USP49: variants seen among roughly 807,000 people sequenced by gnomAD.
USP49 encodes the protein ubiquitin carboxyl-terminal hydrolase 49.
A neutral mutation model predicts 58.6 loss-of-function variants in USP49; 24 were observed. The ratio of observed to expected loss-of-function variants is 0.41; its 90% CI spans 0.30 to 0.58. USP49 has a LOEUF of 0.58. Among genes scored for constraint, USP49 ranks in the 20% least tolerant of loss-of-function variants. The pLI, the probability that USP49 is intolerant of heterozygous loss-of-function variation, is 0.30. For missense variants in USP49, 703 were observed against 866.1 expected (o/e 0.81, Z 2.36); for synonymous variants, 408 against 365.1 (o/e 1.12, Z -1.34).
At chr6:41,870,042 T>C (rs1274495035) in intron 3 of USP49, among the ~76,000 whole-genome samples, 2 of 152,336 alleles carry the variant, frequency 1.3e-5, no homozygotes, top group South Asian at 4.1e-4. Context: ...TTTGCCACCA[T>C]GGTTAACCGT....
At chr6:41,813,183 C>T (rs1469307498) in intron 3 of USP49, among the ~76,000 whole-genome samples, 1 of 152,196 alleles carries the variant, frequency 6.6e-6, no homozygotes, top group African/African-American at 2.4e-5. Context: ...CTATCTTTAG[C>T]TTGCTCTGCT....
At chr6:41,860,578 GC>G (rs1391570908) in intron 3 of USP49, among the ~76,000 whole-genome samples, 4 of 152,048 alleles carry the variant, frequency 2.6e-5, no homozygotes, top group Admixed American at 2.6e-4. Context: ...CATGATCTCG[GC>G]TCACTGCAAC....
chr6:41,882,056 T>C (rs757312289), intron 2 of USP49, among the ~76,000 whole-genome samples: 2 of 151,664 alleles, frequency 1.3e-5, no homozygotes, highest in African/African-American at 2.4e-5. Context: ...CAGATAGTTA[T>C]ATCAATTTTG....
Position 41,832,035 on chromosome 6 carries a change from C to T in USP49, c.-28-25024G>A, listed in dbSNP as rs537922972. Among the ~76,000 whole-genome samples, 3 of 152,298 alleles carry T rather than the reference C, an allele frequency of 2.0e-5. No homozygotes were observed. The East Asian group carries it at 5.8e-4, about 29-fold the overall frequency. ...CCCAGTGAATCTCTCCCTCAAAGAA[C>T]ACCTCATTGTTCACAGTCCTCAATT... On this transcript the variant is annotated intron_variant, in intron 3 of 7. Coordinates refer to ENST00000682992, the MANE Select transcript of USP49 (RefSeq NM_001286554.2).
At position 41,798,575 on chromosome 6, in the gene USP49, C is replaced by T. The variant is rs981222287; in HGVS notation, c.1876+149G>A. On this transcript the variant is annotated intron_variant, in intron 7 of 7. Coordinates refer to ENST00000682992, the MANE Select transcript of USP49 (RefSeq NM_001286554.2). ...ACAGGTGTGAGCCACGGCGCCCAAC[C>T]CAATTTTCACAATTCTTTCCACTGG... The T allele has an allele frequency of 7.1e-6, 11 of 1,559,068 alleles. No individual in the cohort carries two copies. The African/African-American group carries it at 1.5e-4, about 21-fold the overall frequency.
chr6:41,818,804 C>T (rs919199096), intron 3 of USP49, among the ~76,000 whole-genome samples: 2 of 152,194 alleles, frequency 1.3e-5, no homozygotes, highest in Admixed American at 6.5e-5. Context: ...CCCCTGATCT[C>T]ATTTGCTAAC....
At chr6:41,871,781 G>GT (rs1427234070) in intron 2 of USP49, 144 bp from the exon 3 acceptor site, 1 of 113,838 alleles carries the variant, frequency 8.8e-6, no homozygotes, top group Non-Finnish European at 2.0e-5. Context: ...TGATGTAAGA[G>GT]TAAAAAAAAA....
At chr6:41,859,873 T>A (rs993996181) in intron 3 of USP49, among the ~76,000 whole-genome samples, 1 of 152,122 alleles carries the variant, frequency 6.6e-6, no homozygotes, top group African/African-American at 2.4e-5. Context: ...TAAACTAGAA[T>A]ACCAATGGAA....
intron 2 of USP49, among the ~76,000 whole-genome samples, chr6:41,872,572 TAC>T (rs1774430394): frequency 6.7e-6 from 1 of 149,768 alleles, no homozygotes; most frequent in Non-Finnish European, 1.5e-5. Context: ...TAAATTGGAG[TAC>T]ATATATATAT....
chr6:41,847,963 G>C (rs1009623851), intron 3 of USP49, among the ~76,000 whole-genome samples: 11 of 152,078 alleles, frequency 7.2e-5, no homozygotes, highest in Non-Finnish European at 1.2e-4. Context: ...AATCTAGAGA[G>C]GATCATAAAG....
At chr6:41,839,616 T>C (rs1225569212) in intron 3 of USP49, among the ~76,000 whole-genome samples, 2 of 148,042 alleles carry the variant, frequency 1.4e-5, no homozygotes, top group African/African-American at 2.5e-5. Flanking sequence ...AACCAACGAG[T>C]GGATAAAGAA....
intron 3 of USP49, among the ~76,000 whole-genome samples, chr6:41,845,057 C>G (rs559174894): frequency 9.2e-5 from 14 of 152,048 alleles, no homozygotes; most frequent in African/African-American, 3.4e-4. Context: ...CACGCCACTA[C>G]GCCCGGCTAA....
chr6:41,883,722 G>A (rs1774656600), intron 2 of USP49, among the ~76,000 whole-genome samples: 1 of 152,094 alleles, frequency 6.6e-6, no homozygotes, highest in Non-Finnish European at 1.5e-5. Context: ...GTTGGGAGGG[G>A]CGGTTATAGG....
intron 3 of USP49, among the ~76,000 whole-genome samples, chr6:41,865,084 G>A (rs184033888): frequency 4.6e-5 from 7 of 151,104 alleles, no homozygotes; most frequent in East Asian, 3.9e-4. Flanking sequence ...TTGCTCTGTC[G>A]CCCAGGCTGG....
At chr6:41,863,851 G>A (rs139844154) in intron 3 of USP49, among the ~76,000 whole-genome samples, 65 of 152,142 alleles carry the variant, frequency 4.3e-4, no homozygotes, top group African/African-American at 1.4e-3. Flanking sequence ...TGACCTCCTC[G>A]GGCTCAGGTG....
intron 3 of USP49, among the ~76,000 whole-genome samples, chr6:41,853,156 A>G (rs1039867753): frequency 6.6e-6 from 1 of 152,206 alleles, no homozygotes; most frequent in African/African-American, 2.4e-5. Context: ...ATTGCACTCC[A>G]GCCTGGGCAA....
At chr6:41,887,549 A>T (rs1561928067) in intron 2 of USP49, among the ~76,000 whole-genome samples, 1 of 152,234 alleles carries the variant, frequency 6.6e-6, no homozygotes, top group Non-Finnish European at 1.5e-5. Flanking sequence ...TAACATTCCT[A>T]TTTGAATGAG....
rs368236905 is a variant in USP49, at chr6:41,808,316, GT to G, written c.-28-1306del. 8.4e-3 allele frequency among the ~76,000 whole-genome samples: 1,247 copies of G among 149,338 alleles called. 14 individuals are homozygous for G. The highest frequency in any genetic ancestry group is 0.039 in the Middle Eastern group (11 of 280). ...TAAAACAGTAGAACATCCTAAGCAT[GT>G]TTTTTTTTCCCCCTCCCAATAATGC... On this transcript the variant is annotated intron_variant, in intron 3 of 7. Transcript: ENST00000682992.
At chr6:41,890,833 C>T (rs899816616) in intron 2 of USP49, among the ~76,000 whole-genome samples, 28 of 152,212 alleles carry the variant, frequency 1.8e-4, no homozygotes, top group African/African-American at 6.7e-4. Context: ...CATTTTTCTT[C>T]AAACAGCAAT....
Sources: gnomAD v4.1 joint callset for allele counts (sites outside exome capture counted in the v4.1 genomes callset) on GRCh38, gnomAD v4.1.1 for gene constraint, MANE v1.5 for transcripts, NCBI Gene and HGNC (gene_info 2026-07-23, HGNC 2026-07-21) for gene names.